The following PDGFRA variants were observed in gnomAD, a reference collection of about 807,000 sequenced individuals.
The protein encoded by PDGFRA is platelet-derived growth factor receptor alpha.
PDGFRA carries 25 observed loss-of-function variants against 121.5 expected under a neutral mutation model. The observed-to-expected ratio is 0.21, with a 90% CI of 0.15 to 0.29. PDGFRA has a LOEUF of 0.29. Among genes scored for constraint, PDGFRA ranks in the 10% least tolerant of loss-of-function variants. The probability of loss-of-function intolerance (pLI) is 1.00; values close to 1 mark genes in which losing one functional copy is unlikely to be tolerated. For missense variants in PDGFRA, 1,008 were observed against 1,345.1 expected, an observed-to-expected ratio of 0.75 and a Z score of 3.92; for synonymous variants, 463 against 494.8, an observed-to-expected ratio of 0.94 and a Z score of 0.85.
In PDGFRA at chr4:54,296,219, C is replaced by T. The variant is rs569372699; in HGVS notation, c.*947C>T. 2.1e-5 allele frequency: 5 copies of T among 232,878 alleles called. No homozygotes were observed. Among genetic ancestry groups the T allele is most frequent in the South Asian group, 1.8e-4 (1 of 5,522 alleles). 14.4% of individuals were successfully genotyped at this position (232,878 alleles called of 1,614,324 possible). A position where few individuals can be genotyped will look rare whatever the true frequency, so the allele number is the denominator to read the frequency against. Reference sequence around the variant, plus strand: ...TCGTATTAAAAAACAATTAACTGCCCTCTGAAATAATGGGATTAGAAACAA... The same window carrying T: ...TCGTATTAAAAAACAATTAACTGCCTTCTGAAATAATGGGATTAGAAACAA... On this transcript the variant is annotated 3_prime_UTR_variant, in exon 23 of 23. Transcript: ENST00000257290.
intron 2 of PDGFRA, among the ~76,000 whole-genome samples, chr4:54,260,100 C>T (rs1400461782): frequency 1.3e-5 from 2 of 152,174 alleles, no homozygotes; most frequent in African/African-American, 2.4e-5. Context: ...ATTTGAGCTT[C>T]GAAGATGAAC....
intron 1 of PDGFRA, among the ~76,000 whole-genome samples, chr4:54,235,176 A>T (rs1451377915): frequency 6.6e-6 from 1 of 152,116 alleles, no homozygotes; most frequent in Non-Finnish European, 1.5e-5. Flanking sequence ...AACTTAGGAG[A>T]GCTGAAATTA....
At chr4:54,292,430 A>G (rs139471049) in intron 22 of PDGFRA, among the ~76,000 whole-genome samples, 12,132 of 152,248 alleles carry the variant, frequency 0.08, 528 homozygotes, top group Middle Eastern at 0.15. Flanking sequence ...AGAAAACCAA[A>G]CACCACATGT....
chr4:54,288,904 C>T lies in PDGFRA; in HGVS notation c.2774+6C>T, dbSNP rs1060501517. 1.3e-6 allele frequency: 2 copies of T among 1,594,414 alleles called. No individual in the cohort carries two copies. Among genetic ancestry groups the T allele is most frequent in the Non-Finnish European group, 1.7e-6 (2 of 1,161,990 alleles). On this transcript the variant is annotated splice_donor_region_variant and intron_variant, in intron 20 of 22. Coordinates refer to ENST00000257290, the MANE Select transcript of PDGFRA (RefSeq NM_006206.6). ...GACCACGCTACCAGTGAAGTGTGAG[C>T]TCCTTCCCCATCCCGGGGGCCTGTG...
Position 54,274,640 on chromosome 4 carries a change from A to C in PDGFRA, c.1653+15A>C, listed in dbSNP as rs761569556. 6.3e-7 allele frequency: 1 copy of C among 1,589,358 alleles called. No individual in the cohort carries two copies. The highest frequency in any genetic ancestry group is 1.7e-5 in the Admixed American group (1 of 59,984). On this transcript the variant is annotated intron_variant, in intron 11 of 22. Transcript: ENST00000257290. ...TTTGGAAACAGGTAGATATTTTCTCATAAAACTAAAGATCTTTGAAGCCAA... is the reference window on the plus strand; with the variant it reads ...TTTGGAAACAGGTAGATATTTTCTCCTAAAACTAAAGATCTTTGAAGCCAA...
intron 22 of PDGFRA, among the ~76,000 whole-genome samples, chr4:54,292,077 A>G (rs1724661349): frequency 6.6e-6 from 1 of 152,230 alleles, no homozygotes; most frequent in Non-Finnish European, 1.5e-5. Context: ...GTTGGAGTGT[A>G]AATTAGTTCA....
chr4:54,262,922 C>T (rs1156831822), intron 3 of PDGFRA, among the ~76,000 whole-genome samples: 3 of 152,186 alleles, frequency 2.0e-5, no homozygotes, highest in Non-Finnish European at 2.9e-5. Flanking sequence ...GCCCCTGCAT[C>T]GCTGTCTGAC....
At chr4:54,249,316 T>C (rs1268812026) in intron 1 of PDGFRA, among the ~76,000 whole-genome samples, 3 of 152,174 alleles carry the variant, frequency 2.0e-5, no homozygotes, top group Admixed American at 1.3e-4. Context: ...ATCATGCTGC[T>C]ATAAAGACAC....
chr4:54,271,715 C>G (rs1723369201), intron 8 of PDGFRA, among the ~76,000 whole-genome samples: 1 of 144,316 alleles, frequency 6.9e-6, no homozygotes, highest in African/African-American at 2.6e-5. Flanking sequence ...TTTCCTTTCT[C>G]TTTTTCTTTC....
chr4:54,263,939 A>C lies in PDGFRA; in HGVS notation c.628+12A>C, dbSNP rs751180750. On this transcript the variant is annotated intron_variant, in intron 4 of 22. Coordinates refer to ENST00000257290, the MANE Select transcript of PDGFRA (RefSeq NM_006206.6). ...TTATGCTTTAAAAGGTACTTGTATC[A>C]TCTCCTTCCTTCTTTAAATAAGAGT... 1 of 1,612,382 alleles carries C rather than the reference A, an allele frequency of 6.2e-7. No individual in the cohort carries two copies. The highest frequency in any genetic ancestry group is 8.5e-7 in the Non-Finnish European group (1 of 1,179,256).
At chr4:54,276,117 A>G (rs1723705855) in intron 12 of PDGFRA, among the ~76,000 whole-genome samples, 1 of 152,102 alleles carries the variant, frequency 6.6e-6, no homozygotes, top group South Asian at 2.1e-4. Flanking sequence ...AAACTGGCTC[A>G]TCTGATCTTG....
chr4:54,276,798 A>G (rs1004975976), intron 12 of PDGFRA: 2 of 155,296 alleles, frequency 1.3e-5, no homozygotes, highest in African/African-American at 2.4e-5. Context: ...GGGTGGGACA[A>G]CAGCTTCAGT....
intron 1 of PDGFRA, among the ~76,000 whole-genome samples, chr4:54,246,356 T>A (rs573420732): frequency 1.4e-3 from 206 of 152,266 alleles, no homozygotes; most frequent in Admixed American, 2.0e-3. Context: ...ACAGAAATTA[T>A]AACAAACTGT....
At chr4:54,233,703 T>C (rs1577665897) in intron 1 of PDGFRA, among the ~76,000 whole-genome samples, 1 of 144,312 alleles carries the variant, frequency 6.9e-6, no homozygotes, top group South Asian at 2.2e-4. Flanking sequence ...GAATGGGACG[T>C]CCTTGTAATT....
At chr4:54,288,555 A>G (rs907723736) in intron 19 of PDGFRA, among the ~76,000 whole-genome samples, 1 of 152,154 alleles carries the variant, frequency 6.6e-6, no homozygotes, top group Non-Finnish European at 1.5e-5. Flanking sequence ...TTGAACGCTT[A>G]TTTCTAAAGA....
intron 1 of PDGFRA, among the ~76,000 whole-genome samples, chr4:54,247,843 C>T (rs1378941815): frequency 6.6e-6 from 1 of 152,168 alleles, no homozygotes; most frequent in Non-Finnish European, 1.5e-5. Context: ...AGCCCAAAAT[C>T]TCCTGAAGCT....
chr4:54,265,589 A>AG (rs1722988228), intron 5 of PDGFRA, among the ~76,000 whole-genome samples: 1 of 152,150 alleles, frequency 6.6e-6, no homozygotes. Context: ...CATTCAGCAA[A>AG]GGTTTAATGA....
intron 1 of PDGFRA, among the ~76,000 whole-genome samples, chr4:54,237,357 C>A (rs1302134297): frequency 1.3e-5 from 2 of 152,198 alleles, no homozygotes; most frequent in African/African-American, 2.4e-5. Context: ...CTGGGAGTGT[C>A]TGGCCAGGGC....
rs554081224 is a variant in PDGFRA at position 54,248,584 on chromosome 4, T to C, written c.-12-10173T>C. Reference sequence around the variant, plus strand: ...ATTAATTCAAGATGGATTAAAGACTTAAACGTTAGACCTAAAACCATAAAA... The same window carrying C: ...ATTAATTCAAGATGGATTAAAGACTCAAACGTTAGACCTAAAACCATAAAA... On this transcript the variant is annotated intron_variant, in intron 1 of 22. Transcript: ENST00000257290. 2.3e-4 allele frequency among the ~76,000 whole-genome samples: 35 copies of C among 152,264 alleles called. No individual in the cohort carries two copies. In the South Asian group the frequency reaches 6.6e-3, roughly 29 times the overall value.
Sources: gnomAD v4.1 joint callset for allele counts (sites outside exome capture counted in the v4.1 genomes callset) on GRCh38, gnomAD v4.1.1 for gene constraint, MANE v1.5 for transcripts, NCBI Gene and HGNC (gene_info 2026-07-23, HGNC 2026-07-21) for gene names.